Variants in NALF1 observed in about 807,000 individuals in gnomAD.
NALF1 encodes NALCN channel auxiliary factor 1, also known as family with sequence similarity 155 member A.
A neutral mutation model predicts 48.4 loss-of-function variants in NALF1; 3 were observed. The observed-to-expected ratio is 0.06, with a 90% CI of 0.03 to 0.16. NALF1 has a LOEUF of 0.16. NALF1 is among the 10% of genes least tolerant of loss of function. The pLI, the probability that NALF1 is intolerant of heterozygous loss-of-function variation, is 1.00. For missense variants in NALF1, 526 were observed against 571.5 expected, an observed-to-expected ratio of 0.92 and a Z score of 0.81; for synonymous variants, 262 against 245.7, an observed-to-expected ratio of 1.07 and a Z score of -0.62.
chr13:107,714,869 A>C (rs1875704982), intron 1 of NALF1, among the ~76,000 whole-genome samples: 2 of 152,172 alleles, frequency 1.3e-5, no homozygotes, highest in South Asian at 4.1e-4. Flanking sequence ...TGAAAAATTA[A>C]CCAGGTTATA....
At chr13:107,787,366 G>T (rs12429489) in intron 1 of NALF1, among the ~76,000 whole-genome samples, 23,664 of 152,104 alleles carry the variant, frequency 0.16, 2,223 homozygotes, top group Admixed American at 0.27. Context: ...GAATGTCTAT[G>T]TAATTGGTTT....
intron 1 of NALF1, among the ~76,000 whole-genome samples, chr13:107,417,125 G>C (rs1428789871): frequency 6.6e-6 from 1 of 152,190 alleles, no homozygotes; most frequent in East Asian, 1.9e-4. Flanking sequence ...AATGCATACT[G>C]TTGTTTAACT....
chr13:107,252,526 A>T (rs1257728316), intron 1 of NALF1, among the ~76,000 whole-genome samples: 1 of 151,642 alleles, frequency 6.6e-6, no homozygotes, highest in Non-Finnish European at 1.5e-5. Context: ...AAAGAAGGAG[A>T]CAGAAGACAG....
At chr13:107,491,103 G>GA (rs952347816) in intron 1 of NALF1, among the ~76,000 whole-genome samples, 4 of 152,204 alleles carry the variant, frequency 2.6e-5, no homozygotes, top group African/African-American at 9.6e-5. Context: ...CAGAAAACAT[G>GA]AAATTGTGGC....
intron 1 of NALF1, among the ~76,000 whole-genome samples, chr13:107,262,421 A>G (rs1880945879): frequency 6.6e-6 from 1 of 152,154 alleles, no homozygotes; most frequent in African/African-American, 2.4e-5. Flanking sequence ...TCTCAAAAAA[A>G]CAAACAAAAA....
intron 1 of NALF1, among the ~76,000 whole-genome samples, chr13:107,797,718 T>C (rs1354904981): frequency 2.0e-5 from 3 of 152,170 alleles, no homozygotes; most frequent in African/African-American, 7.2e-5. Context: ...GATTTTATAT[T>C]TGAAGATAAA....
At chr13:107,846,235 G>C (rs956126772) in intron 1 of NALF1, among the ~76,000 whole-genome samples, 4 of 152,136 alleles carry the variant, frequency 2.6e-5, no homozygotes, top group Admixed American at 2.6e-4. Flanking sequence ...GTATGGCCCT[G>C]TGTCTTTTTT....
chr13:107,253,855 C>T (rs2138847112), intron 1 of NALF1, among the ~76,000 whole-genome samples: 1 of 152,170 alleles, frequency 6.6e-6, no homozygotes, highest in East Asian at 1.9e-4. Flanking sequence ...AGGGCCTTTC[C>T]TCTCAACACC....
chr13:107,261,760 C>A (rs1880931738), intron 1 of NALF1, among the ~76,000 whole-genome samples: 1 of 152,044 alleles, frequency 6.6e-6, no homozygotes. Flanking sequence ...ATTAAGCTGA[C>A]CCTAGAGATG....
chr13:107,460,664 T>C (rs1884903021), intron 1 of NALF1, among the ~76,000 whole-genome samples: 1 of 152,214 alleles, frequency 6.6e-6, no homozygotes, highest in Non-Finnish European at 1.5e-5. Flanking sequence ...TCTAGAACTT[T>C]ACAGATATTA....
chr13:107,859,483 A>G (rs184475524), intron 1 of NALF1, among the ~76,000 whole-genome samples: 9 of 152,346 alleles, frequency 5.9e-5, no homozygotes, highest in African/African-American at 1.7e-4. Context: ...TTAAAAGCCC[A>G]AGAATTTTAA....
chr13:107,492,039 TTTG>T (rs753178734), intron 1 of NALF1, among the ~76,000 whole-genome samples: 22,361 of 116,288 alleles, frequency 0.19, 2,809 homozygotes, highest in East Asian at 0.31. Flanking sequence ...TGGGTTTTTT[TTTG>T]TTTTTTTTTT....
intron 1 of NALF1, among the ~76,000 whole-genome samples, chr13:107,555,719 G>C (rs544537671): frequency 1.3e-5 from 2 of 151,922 alleles, no homozygotes; most frequent in South Asian, 4.2e-4. Flanking sequence ...TTGTTAATCA[G>C]TGCATCATTT....
intron 1 of NALF1, among the ~76,000 whole-genome samples, chr13:107,850,884 C>T (rs556606071): frequency 3.3e-5 from 5 of 151,492 alleles, no homozygotes; most frequent in African/African-American, 1.2e-4. Flanking sequence ...GCCTGGATGA[C>T]AGAGCGAGAC....
intron 1 of NALF1, among the ~76,000 whole-genome samples, chr13:107,860,046 G>T (rs768164143): frequency 1.1e-4 from 16 of 151,592 alleles, no homozygotes; most frequent in Non-Finnish European, 2.1e-4. Flanking sequence ...AGTATCTCAT[G>T]AATTAAACTT....
intron 1 of NALF1, among the ~76,000 whole-genome samples, chr13:107,647,988 T>C (rs1014946211): frequency 1.3e-5 from 2 of 152,132 alleles, no homozygotes; most frequent in Admixed American, 6.6e-5. Context: ...CAAAATTATG[T>C]GTATTACAAA....
chr13:107,430,952 C>A (rs1884369504), intron 1 of NALF1, among the ~76,000 whole-genome samples: 1 of 152,186 alleles, frequency 6.6e-6, no homozygotes, highest in African/African-American at 2.4e-5. Context: ...CACATCCTCT[C>A]CAGCACCTGT....
intron 1 of NALF1, among the ~76,000 whole-genome samples, chr13:107,440,578 T>C (rs1364351238): frequency 6.6e-6 from 1 of 152,102 alleles, no homozygotes; most frequent in Non-Finnish European, 1.5e-5. Flanking sequence ...GTTCTCTGAG[T>C]GAGTAGTAGA....
At chr13:107,572,735 C>A (rs1228147443) in intron 1 of NALF1, among the ~76,000 whole-genome samples, 2 of 152,084 alleles carry the variant, frequency 1.3e-5, no homozygotes, top group Non-Finnish European at 2.9e-5. Flanking sequence ...TTTTGAAGTT[C>A]CGAGAACACG....
Sources: allele counts gnomAD v4.1 joint callset (sites outside exome capture counted in the v4.1 genomes callset), GRCh38; gene constraint gnomAD v4.1.1; transcripts MANE v1.5; gene names NCBI Gene and HGNC (gene_info 2026-07-23, HGNC 2026-07-21).